The following LRRC38 variants were observed in gnomAD, a reference collection of about 807,000 sequenced individuals.
The protein encoded by LRRC38 is leucine-rich repeat-containing protein 38.
LRRC38 carries 5 observed loss-of-function variants against 16.4 expected under a neutral mutation model. That is an observed-to-expected ratio of 0.31 (90% CI 0.16 to 0.64). The LOEUF is 0.64. Among genes scored for constraint, LRRC38 ranks in the 30% least tolerant of loss-of-function variants. The probability of loss-of-function intolerance (pLI) is 0.80; values close to 1 mark genes in which losing one functional copy is unlikely to be tolerated. For synonymous variants in LRRC38, 191 were observed against 190.2 expected (o/e 1.00, Z -0.04); for missense variants, 341 against 401.8 (o/e 0.85, Z 1.29).
chr1:13,482,732 C>T (rs1638885197), intron 1 of LRRC38, among the ~76,000 whole-genome samples: 1 of 152,152 alleles, frequency 6.6e-6, no homozygotes, highest in African/African-American at 2.4e-5. Context: ...TGCAATGTTC[C>T]TACCTGACCT....
chr1:13,476,577 C>T (rs1023067700), intron 1 of LRRC38, among the ~76,000 whole-genome samples: 15 of 152,154 alleles, frequency 9.9e-5, no homozygotes, highest in Admixed American at 2.6e-4. Context: ...GATCTGCTCA[C>T]CTCGGCCTCT....
chr1:13,499,833 C>T (rs571755496), intron 1 of LRRC38, among the ~76,000 whole-genome samples: 23 of 152,282 alleles, frequency 1.5e-4, no homozygotes, highest in East Asian at 5.8e-4. Context: ...TAGGTATGCA[C>T]GCTTTCCGTA....
Position 13,513,291 on chromosome 1 carries a change from G to T in LRRC38, c.303C>A (p.Ser101Arg). 6.4e-7 allele frequency: 1 copy of T among 1,550,772 alleles called. No homozygotes were observed. The highest frequency in any genetic ancestry group is 1.4e-5 in the African/African-American group (1 of 73,172). ...SLRSLEEGTF[S>R]GSAKLVFLDL... ...CGAGGAACACGAGCTTGGCCGAGCC[G>T]CTGAACGTGCCCTCCTCCAGCGAGC... Residue 101 changes from serine to arginine, a missense_variant, in exon 1 of 2, where the codon AGC (serine) becomes AGA (arginine). Transcript: ENST00000376085.
At position 13,487,440 on chromosome 1, in the gene LRRC38, C is replaced by T. The variant is rs950796966; in HGVS notation, c.632-11341G>A. 1.3e-5 allele frequency among the ~76,000 whole-genome samples: 2 copies of T among 152,322 alleles called. No individual in the cohort carries two copies. The highest frequency in any genetic ancestry group is 2.9e-5 in the Non-Finnish European group (2 of 68,028). ...GGTGGGAAGTCAACTTCCCACCTTT[C>T]GTCTTGCGATGGGTCTACCTCCAAC... On this transcript the variant is annotated intron_variant, in intron 1 of 1. Transcript: ENST00000376085. The surrounding 1 kb of genome is among the most constrained non-coding windows in gnomAD (Gnocchi z 4.4).
rs1639297250 is a variant in LRRC38 at position 13,513,286 on chromosome 1, G to C, written c.308C>G (p.Ser103Trp). The C allele has an allele frequency of 6.4e-7, 1 of 1,550,570 alleles. No homozygotes were observed. Among genetic ancestry groups the C allele is most frequent in the Non-Finnish European group, 8.7e-7 (1 of 1,146,970 alleles). Residue 103 changes from serine to tryptophan, a missense_variant, in exon 1 of 2, where the codon TCG becomes TGG. By Grantham distance (177) the Ser-to-Trp change is radical (BLOSUM62 -3). Coordinates refer to ENST00000376085, the MANE Select transcript of LRRC38 (RefSeq NM_001010847.2). Reference protein sequence around the residue: ...RSLEEGTFSGSAKLVFLDLSY... With the variant: ...RSLEEGTFSGWAKLVFLDLSY... ...GAGGTCGAGGAACACGAGCTTGGCC[G>C]AGCCGCTGAACGTGCCCTCCTCCAG... is the stretch of plus-strand genomic sequence containing the variant.
At chr1:13,489,841 G>A (rs1221894131) in intron 1 of LRRC38, among the ~76,000 whole-genome samples, 7 of 152,102 alleles carry the variant, frequency 4.6e-5, no homozygotes, top group African/African-American at 7.2e-5. Context: ...CAGACACTTC[G>A]TCTGATTGAG....
chr1:13,505,483 G>T (rs12722783), intron 1 of LRRC38, among the ~76,000 whole-genome samples: 12,674 of 152,218 alleles, frequency 0.083, 657 homozygotes, highest in South Asian at 0.15. Flanking sequence ...ATTTGGGCCC[G>T]TCCCTGGATG....
intron 1 of LRRC38, among the ~76,000 whole-genome samples, chr1:13,490,856 C>T (rs1015446274): frequency 1.3e-5 from 2 of 152,150 alleles, no homozygotes; most frequent in Non-Finnish European, 2.9e-5. Flanking sequence ...CACCCACTGT[C>T]CCAAGTTCAT....
chr1:13,490,087 C>A (rs747881084), intron 1 of LRRC38, among the ~76,000 whole-genome samples: 5 of 152,172 alleles, frequency 3.3e-5, no homozygotes, highest in Admixed American at 6.5e-5. Context: ...ACTGACTGTT[C>A]ATGTGATTTT....
intron 1 of LRRC38, among the ~76,000 whole-genome samples, chr1:13,500,484 AC>A (rs1639135337): frequency 6.6e-6 from 1 of 152,164 alleles, no homozygotes; most frequent in East Asian, 1.9e-4. Context: ...GCATTCAGCA[AC>A]AGGCTAATCA....
chr1:13,498,707 T>A (rs1384462543), intron 1 of LRRC38, among the ~76,000 whole-genome samples: 1 of 152,178 alleles, frequency 6.6e-6, no homozygotes, highest in Non-Finnish European at 1.5e-5. Context: ...TGTAACCCAC[T>A]CCCTGCCTCT....
chr1:13,479,135 A>C (rs1340260426), intron 1 of LRRC38, among the ~76,000 whole-genome samples: 2 of 152,108 alleles, frequency 1.3e-5, no homozygotes, highest in African/African-American at 2.4e-5. Context: ...AAATAGGAGC[A>C]CTTTAAAACA....
intron 1 of LRRC38, among the ~76,000 whole-genome samples, chr1:13,479,522 A>T (rs1638826752): frequency 6.6e-6 from 1 of 152,200 alleles, no homozygotes; most frequent in Admixed American, 6.5e-5. Flanking sequence ...TTGTGCCTTG[A>T]GACTCATCTT....
intron 1 of LRRC38, among the ~76,000 whole-genome samples, chr1:13,508,404 A>G (rs897095989): frequency 2.6e-5 from 4 of 152,236 alleles, no homozygotes; most frequent in African/African-American, 4.8e-5. Flanking sequence ...GATGGGTCCA[A>G]TTAATAAATC....
chr1:13,494,943 C>T (rs954299381), intron 1 of LRRC38, among the ~76,000 whole-genome samples: 1 of 152,224 alleles, frequency 6.6e-6, no homozygotes, highest in Non-Finnish European at 1.5e-5. Context: ...TTGGTCTGCT[C>T]TGGTTTCTGC....
intron 1 of LRRC38, among the ~76,000 whole-genome samples, chr1:13,484,117 T>G (rs1638903110): frequency 6.6e-6 from 1 of 152,146 alleles, no homozygotes; most frequent in Non-Finnish European, 1.5e-5. Context: ...CACTCCGCCT[T>G]GCTTGCCGTT....
chr1:13,497,964 A>G (rs1639100437), intron 1 of LRRC38, among the ~76,000 whole-genome samples: 1 of 136,446 alleles, frequency 7.3e-6, no homozygotes, highest in Non-Finnish European at 1.7e-5. Context: ...CTCCATCACA[A>G]AAAAAAAAAA....
intron 1 of LRRC38, among the ~76,000 whole-genome samples, chr1:13,500,263 A>T (rs940360014): frequency 1.3e-5 from 2 of 152,044 alleles, no homozygotes; most frequent in Non-Finnish European, 2.9e-5. Flanking sequence ...TCAAAAAAAA[A>T]AAAAAAGCTG....
At chr1:13,512,651 C>T (rs1364368951) in intron 1 of LRRC38, among the ~76,000 whole-genome samples, 1 of 152,114 alleles carries the variant, frequency 6.6e-6, no homozygotes, top group Admixed American at 6.5e-5. Context: ...TAATCCACAC[C>T]CGCCAGTCCT....
Sources: gnomAD v4.1 joint callset for allele counts (sites outside exome capture counted in the v4.1 genomes callset) on GRCh38, gnomAD v4.1.1 for gene constraint, Gnocchi (gnomAD v3.1) non-coding constraint, MANE v1.5 for transcripts, NCBI Gene and HGNC (gene_info 2026-07-23, HGNC 2026-07-21) for gene names.